The following RXFP1 variants were observed in gnomAD, a reference collection of about 807,000 sequenced individuals.
RXFP1 encodes relaxin family peptide receptor 1.
A neutral mutation model predicts 89.8 loss-of-function variants in RXFP1; 73 were observed. The ratio of observed to expected loss-of-function variants is 0.81; its 90% CI spans 0.67 to 0.99. The LOEUF (loss-of-function observed/expected upper bound fraction) is 0.99, where lower values mean the gene tolerates loss of function less well. Among genes scored for constraint, RXFP1 ranks in the 50% least tolerant of loss-of-function variants. The pLI is 0.00. For synonymous variants in RXFP1, 277 were observed against 305.5 expected, an observed-to-expected ratio of 0.91 and a Z score of 0.97; for missense variants, 793 against 895.5, an observed-to-expected ratio of 0.89 and a Z score of 1.46.
At position 158,647,509 on chromosome 4, in the gene RXFP1, A is replaced by G. The variant is rs545035223; in HGVS notation, c.1756+308A>G. On this transcript the variant is annotated intron_variant, in intron 16 of 17. Transcript: ENST00000307765. ...ACACATCTTTGGCTTGTGAGTATAT[A>G]TACAACTGTTCTAAATCAGCAATGT... Among the ~76,000 whole-genome samples the G allele has an allele frequency of 1.1e-4, 16 of 152,298 alleles. No homozygotes were observed. The South Asian group carries it at 3.3e-3, about 32-fold the overall frequency.
chr4:158,627,022 A>G, intron 10 of RXFP1, 131 bp downstream of exon 10: 1 of 462,972 alleles, frequency 2.2e-6, no homozygotes, highest in Non-Finnish European at 3.7e-6. Flanking sequence ...TTTGAGAAAC[A>G]CTAAATTGAA....
chr4:158,558,086 A>T (rs985833924), intron 1 of RXFP1, among the ~76,000 whole-genome samples: 1 of 152,232 alleles, frequency 6.6e-6, no homozygotes, highest in Admixed American at 6.5e-5. Flanking sequence ...CCTGCATTAC[A>T]TACCATTTTG....
At chr4:158,525,224 G>GT (rs975765924) in intron 1 of RXFP1, among the ~76,000 whole-genome samples, 6 of 151,574 alleles carry the variant, frequency 4.0e-5, no homozygotes, top group East Asian at 3.9e-4. Flanking sequence ...TTTGGCGGGG[G>GT]GGGGTTGGGT....
intron 6 of RXFP1, among the ~76,000 whole-genome samples, chr4:158,611,710 A>G (rs937142890): frequency 7.2e-5 from 11 of 152,116 alleles, no homozygotes; most frequent in African/African-American, 2.4e-4. Context: ...TGCAGTCCCT[A>G]CCCCTAGCAA....
intron 8 of RXFP1, among the ~76,000 whole-genome samples, chr4:158,616,434 GAAAT>G (rs1346842718): frequency 2.0e-5 from 3 of 150,438 alleles, no homozygotes; most frequent in Non-Finnish European, 4.4e-5. Flanking sequence ...TGTCTCAAAC[GAAAT>G]AAATAAATAA....
At chr4:158,639,181 T>A (rs1402273594) in intron 13 of RXFP1, 79 bp from the exon 14 acceptor site, 12 of 793,132 alleles carry the variant, frequency 1.5e-5, no homozygotes, top group Non-Finnish European at 2.3e-5. Flanking sequence ...TTTATTAAAT[T>A]GTCCTTCACA....
chr4:158,586,720 T>C (rs1758370081), intron 2 of RXFP1, among the ~76,000 whole-genome samples: 1 of 152,112 alleles, frequency 6.6e-6, no homozygotes, highest in Admixed American at 6.6e-5. Context: ...GAGGAAGTAA[T>C]GGGTAGAAAG....
At chr4:158,525,394 T>A (rs1344979559) in intron 1 of RXFP1, among the ~76,000 whole-genome samples, 1 of 152,204 alleles carries the variant, frequency 6.6e-6, no homozygotes, top group Admixed American at 6.5e-5. Context: ...AATTTTGTGT[T>A]GTTTTTACTA....
chr4:158,522,751 A>T (rs1741495411), intron 1 of RXFP1, among the ~76,000 whole-genome samples: 1 of 152,232 alleles, frequency 6.6e-6, no homozygotes, highest in South Asian at 2.1e-4. Flanking sequence ...GTAATAAATG[A>T]TGAAAAAGTC....
chr4:158,628,781 TTTATACATTTAA>T, intron 11 of RXFP1, 72 bp downstream of exon 11: 1 of 715,934 alleles, frequency 1.4e-6, no homozygotes, highest in Non-Finnish European at 2.3e-6. Flanking sequence ...CTTACATGTG[TTTATACATTTAA>T]GAAATATTAC....
intron 15 of RXFP1, 93 bp from the exon 16 acceptor site, chr4:158,646,698 C>T (rs1426819232): frequency 3.4e-6 from 5 of 1,471,530 alleles, no homozygotes; most frequent in Non-Finnish European, 4.5e-6. Context: ...AGAAACTTGA[C>T]TATTTTTTCT....
intron 1 of RXFP1, among the ~76,000 whole-genome samples, chr4:158,554,916 T>C (rs1299071813): frequency 6.6e-6 from 1 of 152,186 alleles, no homozygotes; most frequent in Non-Finnish European, 1.5e-5. Flanking sequence ...ACTAGCTATA[T>C]GTATCTCATA....
chr4:158,602,415 A>G (rs1409716281), intron 4 of RXFP1, among the ~76,000 whole-genome samples: 1 of 152,134 alleles, frequency 6.6e-6, no homozygotes, highest in African/African-American at 2.4e-5. Context: ...TATGTATACT[A>G]AACATTCTTG....
At chr4:158,649,444 C>T (rs2150275043) in intron 17 of RXFP1, among the ~76,000 whole-genome samples, 1 of 151,970 alleles carries the variant, frequency 6.6e-6, no homozygotes. Context: ...AGCAAACATT[C>T]TTGGCATTTA....
intron 1 of RXFP1, among the ~76,000 whole-genome samples, chr4:158,523,764 G>C (rs1346801130): frequency 5.9e-5 from 9 of 152,188 alleles, no homozygotes; most frequent in Non-Finnish European, 1.3e-4. Context: ...GGCTCACCTT[G>C]AGTTTAGCCC....
intron 2 of RXFP1, among the ~76,000 whole-genome samples, chr4:158,589,399 G>T (rs926596339): frequency 6.6e-6 from 1 of 152,040 alleles, no homozygotes; most frequent in African/African-American, 2.4e-5. Flanking sequence ...AAATTCCTTG[G>T]GTTTCTGCTT....
At chr4:158,574,163 A>C (rs969406440) in intron 2 of RXFP1, among the ~76,000 whole-genome samples, 1 of 152,204 alleles carries the variant, frequency 6.6e-6, no homozygotes, top group Non-Finnish European at 1.5e-5. Flanking sequence ...TTAATAATGT[A>C]AAGTAGTAAG....
At chr4:158,603,434 A>G (rs1397307972) in intron 4 of RXFP1, among the ~76,000 whole-genome samples, 2 of 152,206 alleles carry the variant, frequency 1.3e-5, no homozygotes, top group East Asian at 3.8e-4. Context: ...TTACTTGTTA[A>G]TCAGCCTTTG....
At chr4:158,561,198 T>A (rs955202227) in intron 1 of RXFP1, among the ~76,000 whole-genome samples, 1 of 152,214 alleles carries the variant, frequency 6.6e-6, no homozygotes, top group Non-Finnish European at 1.5e-5. Context: ...AGACAAAGAA[T>A]AATGAACTGT....
Sources: allele counts gnomAD v4.1 joint callset (sites outside exome capture counted in the v4.1 genomes callset), GRCh38; gene constraint gnomAD v4.1.1; transcripts MANE v1.5; gene names NCBI Gene and HGNC (gene_info 2026-07-23, HGNC 2026-07-21).